Variants in APBA1 observed in about 807,000 individuals in gnomAD.
APBA1 encodes the protein amyloid beta precursor protein binding family A member 1, also known as amyloid-beta A4 precursor protein-binding family A member 1.
In APBA1, 55 loss-of-function variants were observed where a neutral mutation model predicts 86.6. The ratio of observed to expected loss-of-function variants is 0.64; its 90% CI spans 0.51 to 0.80. The LOEUF (loss-of-function observed/expected upper bound fraction) is 0.80. Ranked by LOEUF, APBA1 falls within the 30% of genes least tolerant of loss-of-function variation. APBA1 has a pLI of 0.00. For synonymous variants in APBA1, 511 were observed against 493.9 expected (o/e 1.03, Z -0.46); for missense variants, 1,090 against 1,183.0 (o/e 0.92, Z 1.15).
intron 1 of APBA1, among the ~76,000 whole-genome samples, chr9:69,539,963 A>G (rs939313116): frequency 6.6e-6 from 1 of 152,156 alleles, no homozygotes; most frequent in Non-Finnish European, 1.5e-5. Context: ...TACTAAAAAT[A>G]CAAAAATATA....
At chr9:69,602,493 C>A (rs1588388308) in intron 1 of APBA1, among the ~76,000 whole-genome samples, 1 of 151,952 alleles carries the variant, frequency 6.6e-6, no homozygotes, top group Non-Finnish European at 1.5e-5. Flanking sequence ...ATGGCATGAA[C>A]CTGGGAGGTG....
Position 69,512,070 on chromosome 9 carries a change from T to TAATAAATA in APBA1, c.1200+3933_1200+3940dup, listed in dbSNP as rs376385614. ...CACATGTACCCTAAAACTTAAAGTA[T>TAATAAATA]AATAAATAAATAAATAAATAAATAA... On this transcript the variant is annotated intron_variant, in intron 2 of 12. Coordinates refer to ENST00000265381, the MANE Select transcript of APBA1 (RefSeq NM_001163.4). Among the ~76,000 whole-genome samples the TAATAAATA allele has an allele frequency of 3.3e-3, 487 of 148,450 alleles. 2 individuals carry two copies. The highest frequency in any genetic ancestry group is 0.01 in the African/African-American group (413 of 40,186).
At position 69,430,969 on chromosome 9, in the gene APBA1, C is replaced by T; in HGVS notation, c.*358G>A. On this transcript the variant is annotated 3_prime_UTR_variant, in exon 13 of 13. Transcript: ENST00000265381. The stretch of plus-strand genomic sequence containing the variant: ...ATCAGCTGCTTTGCTGCCCCGCGAG[C>T]TCCTTTTAAGAAGTCTGCACCTCCT... The T allele has an allele frequency of 4.8e-6, 1 of 209,124 alleles. No individual in the cohort carries two copies. The highest frequency in any genetic ancestry group is 2.3e-5 in the African/African-American group (1 of 43,958). 13.0% of individuals were successfully genotyped at this position (209,124 alleles called of 1,614,324 possible).
At chr9:69,526,288 C>T (rs1836340634) in intron 1 of APBA1, among the ~76,000 whole-genome samples, 1 of 152,006 alleles carries the variant, frequency 6.6e-6, no homozygotes, top group South Asian at 2.1e-4. Flanking sequence ...AACAGATAAC[C>T]TATAGAAAGA....
chr9:69,662,981 C>T (rs1411944802), intron 1 of APBA1, among the ~76,000 whole-genome samples: 1 of 152,188 alleles, frequency 6.6e-6, no homozygotes, highest in Non-Finnish European at 1.5e-5. Flanking sequence ...GTCCATACCA[C>T]CAAATATCCA....
chr9:69,518,251 T>C (rs1304165999), intron 1 of APBA1, among the ~76,000 whole-genome samples: 1 of 152,190 alleles, frequency 6.6e-6, no homozygotes, highest in Non-Finnish European at 1.5e-5. Context: ...TTACAGTATA[T>C]GGGAGGATGT....
intron 1 of APBA1, among the ~76,000 whole-genome samples, chr9:69,663,357 T>G (rs949363397): frequency 2.0e-5 from 3 of 152,236 alleles, no homozygotes; most frequent in African/African-American, 2.4e-5. Flanking sequence ...TAAAAGCCAC[T>G]GCAACAGAAT....
At chr9:69,621,760 TTATGAA>T (rs2133990376) in intron 1 of APBA1, among the ~76,000 whole-genome samples, 1 of 152,300 alleles carries the variant, frequency 6.6e-6, no homozygotes, top group South Asian at 2.1e-4. Context: ...CAACTCTTCT[TTATGAA>T]TATAACAGAA....
intron 9 of APBA1, among the ~76,000 whole-genome samples, chr9:69,450,302 T>C (rs942680861): frequency 5.3e-5 from 8 of 152,164 alleles, no homozygotes; most frequent in Non-Finnish European, 1.2e-4. Context: ...GAAAAAGTGA[T>C]GCTGAAGTTA....
intron 1 of APBA1, among the ~76,000 whole-genome samples, chr9:69,639,569 G>T (rs556932802): frequency 5.5e-4 from 84 of 152,266 alleles, no homozygotes; most frequent in African/African-American, 1.9e-3. Context: ...TGTCCAAAAT[G>T]AAATGGATTA....
chr9:69,436,295 G>T (rs1229639238), intron 11 of APBA1, among the ~76,000 whole-genome samples: 1 of 150,358 alleles, frequency 6.7e-6, no homozygotes, highest in Non-Finnish European at 1.5e-5. Flanking sequence ...TTTTAAAGTA[G>T]TTTTTTCCAA....
intron 3 of APBA1, chr9:69,472,486 A>C (rs1374039598): frequency 6.6e-6 from 1 of 152,240 alleles, no homozygotes; most frequent in East Asian, 1.9e-4. Context: ...CCCTGCTTCC[A>C]CCAGTAGTAG....
intron 1 of APBA1, among the ~76,000 whole-genome samples, chr9:69,523,444 G>C (rs1239842764): frequency 7.2e-6 from 1 of 138,108 alleles, no homozygotes; most frequent in Non-Finnish European, 1.5e-5. Context: ...CAACAAGAAA[G>C]CTTAGCTATC....
intron 1 of APBA1, among the ~76,000 whole-genome samples, chr9:69,621,657 G>A (rs953090065): frequency 6.6e-6 from 1 of 151,348 alleles, no homozygotes; most frequent in Non-Finnish European, 1.5e-5. Flanking sequence ...CACAACAGCA[G>A]TTGTGGGATC....
intron 1 of APBA1, among the ~76,000 whole-genome samples, chr9:69,520,103 G>T (rs1836228288): frequency 6.6e-6 from 1 of 152,162 alleles, no homozygotes; most frequent in Non-Finnish European, 1.5e-5. Context: ...GATTTGGGTT[G>T]TGGTATTGCA....
chr9:69,543,558 T>C (rs1422646024), intron 1 of APBA1, among the ~76,000 whole-genome samples: 1 of 152,108 alleles, frequency 6.6e-6, no homozygotes, highest in East Asian at 1.9e-4. Flanking sequence ...GTCATGCCAG[T>C]CAAAAGCACT....
chr9:69,555,015 C>T (rs188884032), intron 1 of APBA1, among the ~76,000 whole-genome samples: 104 of 152,266 alleles, frequency 6.8e-4, no homozygotes, highest in Non-Finnish European at 1.0e-3. Context: ...ACGTCCCGCA[C>T]GTGTTCTAAG....
chr9:69,576,077 C>T (rs1821789066), intron 1 of APBA1, among the ~76,000 whole-genome samples: 1 of 152,176 alleles, frequency 6.6e-6, no homozygotes, highest in Non-Finnish European at 1.5e-5. Context: ...CAAAAGAAGA[C>T]ATTTATGCAG....
At position 69,451,969 on chromosome 9, in the gene APBA1, G is replaced by C. The variant is rs192894552; in HGVS notation, c.1968+153C>G. On this transcript the variant is annotated intron_variant, in intron 9 of 12. Coordinates refer to ENST00000265381, the MANE Select transcript of APBA1 (RefSeq NM_001163.4). The stretch of plus-strand genomic sequence containing the variant: ...TTTCATGACAGGGCCCCACAGCAGG[G>C]AGCGAGAGATGGGGGTGAACGACTT... 2.6e-5 allele frequency among the ~76,000 whole-genome samples: 4 copies of C among 152,274 alleles called. No homozygotes were observed. The East Asian group carries it at 7.7e-4, about 29-fold the overall frequency.
Sources: allele counts gnomAD v4.1 joint callset (sites outside exome capture counted in the v4.1 genomes callset), GRCh38; gene constraint gnomAD v4.1.1; transcripts MANE v1.5; gene names NCBI Gene and HGNC (gene_info 2026-07-23, HGNC 2026-07-21).